SKI: variants seen among roughly 807,000 people sequenced by gnomAD.
SKI encodes SKI proto-oncogene, also known as ski oncogene.
SKI carries 23 observed loss-of-function variants against 59.3 expected under a neutral mutation model. The observed-to-expected ratio is 0.39, with a 90% confidence interval of 0.28 to 0.55. The LOEUF (loss-of-function observed/expected upper bound fraction) is 0.55. Ranked by LOEUF, SKI falls within the 20% of genes least tolerant of loss-of-function variation. SKI has a pLI of 0.67. For missense variants in SKI, 1,017 were observed against 1,038.9 expected (o/e 0.98, Z 0.29); for synonymous variants, 673 against 488.6 (o/e 1.38, Z -4.98).
intron 1 of SKI, among the ~76,000 whole-genome samples, chr1:2,300,743 G>A (rs577358899): frequency 2.6e-5 from 4 of 152,336 alleles, no homozygotes; most frequent in African/African-American, 7.2e-5. Flanking sequence ...GGGTCTTAAC[G>A]GAGTCATGTC....
At chr1:2,295,416 C>A (rs1484825073) in intron 1 of SKI, among the ~76,000 whole-genome samples, 3 of 152,244 alleles carry the variant, frequency 2.0e-5, no homozygotes, top group African/African-American at 7.2e-5. Flanking sequence ...AATTTGCGTA[C>A]CATAAAATTC....
At chr1:2,231,315 A>T (rs979987934) in intron 1 of SKI, among the ~76,000 whole-genome samples, 2 of 152,070 alleles carry the variant, frequency 1.3e-5, no homozygotes, top group Non-Finnish European at 2.9e-5. Context: ...CACTGTCTTC[A>T]GAGCTGATGG....
At chr1:2,262,091 G>C in intron 1 of SKI, among the ~76,000 whole-genome samples, 1 of 125,504 alleles carries the variant, frequency 8.0e-6, no homozygotes. Context: ...GGTGGGAGTG[G>C]ACACCCTCGC....
At chr1:2,250,067 G>A (rs1409759549) in intron 1 of SKI, among the ~76,000 whole-genome samples, 6 of 152,092 alleles carry the variant, frequency 3.9e-5, no homozygotes, top group East Asian at 1.9e-4. Flanking sequence ...CACCACGCCC[G>A]GCTAATATTT....
Position 2,301,688 on chromosome 1 carries a change from A to G in SKI, c.970-1290A>G, listed in dbSNP as rs144360279. On this transcript the variant is annotated intron_variant, in intron 1 of 6. Coordinates refer to ENST00000378536, the MANE Select transcript of SKI (RefSeq NM_003036.4). The stretch of plus-strand genomic sequence containing the variant: ...GGTTCCTGATGCAGCGTCTTCTCCT[A>G]GAGTCCTGGAGGTGGGAAGAGCCCC... Among the ~76,000 whole-genome samples, 12 of 151,302 alleles carry G rather than the reference A, an allele frequency of 7.9e-5. No individual in the cohort carries two copies. The East Asian group carries it at 2.4e-3, about 30-fold the overall frequency.
rs532843555 is a variant in SKI at position 2,259,896 on chromosome 1, G to A, written c.969+30161G>A. 2.6e-5 allele frequency among the ~76,000 whole-genome samples: 4 copies of A among 152,348 alleles called. No homozygotes were observed. In the East Asian group the frequency reaches 7.7e-4, roughly 29 times the overall value. ...CAGTGTTCCCCTGCGTGGATGTCGC[G>A]TTTGTTCCTCCATTTGCCCGTTGGA... On this transcript the variant is annotated intron_variant, in intron 1 of 6. Transcript: ENST00000378536.
At chr1:2,263,605 C>T (rs1402189229) in intron 1 of SKI, among the ~76,000 whole-genome samples, 5 of 151,606 alleles carry the variant, frequency 3.3e-5, no homozygotes, top group Non-Finnish European at 7.4e-5. Flanking sequence ...TCCCGTGTAT[C>T]TTTGTCTGGT....
intron 5 of SKI, among the ~76,000 whole-genome samples, chr1:2,305,053 C>T (rs979003557): frequency 6.6e-6 from 1 of 152,234 alleles, no homozygotes; most frequent in African/African-American, 2.4e-5. Flanking sequence ...GCGTGAGGGG[C>T]GTGCTTACTA....
In SKI at chr1:2,269,670, C is replaced by A. The variant is rs968410865; in HGVS notation, c.970-33308C>A. On this transcript the variant is annotated intron_variant, in intron 1 of 6. Transcript: ENST00000378536. The surrounding 1 kb of genome is among the most constrained non-coding windows in gnomAD (Gnocchi z 4.7). ...CTCCTCCTTCCTTCCTTGTTGGTTG[C>A]TGTTAAGCCAGCCTTGGGCACCAGG... Among the ~76,000 whole-genome samples the A allele has an allele frequency of 6.6e-6, 1 of 152,268 alleles. No homozygotes were observed. The highest frequency in any genetic ancestry group is 1.5e-5 in the Non-Finnish European group (1 of 68,050).
chr1:2,264,127 G>T (rs1455629410), intron 1 of SKI, among the ~76,000 whole-genome samples: 2 of 152,038 alleles, frequency 1.3e-5, no homozygotes, highest in Non-Finnish European at 2.9e-5. Flanking sequence ...TCTTGGTTGA[G>T]AGTTACTGGT....
In SKI at chr1:2,303,644, C is replaced by A; in HGVS notation, c.1212-196C>A. The A allele has an allele frequency of 1.3e-6, 1 of 772,622 alleles. No homozygotes were observed. The highest frequency in any genetic ancestry group is 2.1e-6 in the Non-Finnish European group (1 of 480,692). 47.9% of individuals were successfully genotyped at this position (772,622 alleles called of 1,614,324 possible). On this transcript the variant is annotated intron_variant, in intron 3 of 6. Transcript: ENST00000378536. The surrounding 1 kb of genome is among the most constrained non-coding windows in gnomAD (Gnocchi z 5.6). The stretch of plus-strand genomic sequence containing the variant: ...GGGCGCAGCTTCTTGATGTGTTGGC[C>A]TGTGTCTGGCCTTCGCAAGAGACCC...
At position 2,303,704 on chromosome 1, in the gene SKI, C is replaced by G; in HGVS notation, c.1212-136C>G. The G allele has an allele frequency of 1.6e-6, 2 of 1,248,618 alleles. No homozygotes were observed. Among genetic ancestry groups the G allele is most frequent in the South Asian group, 1.3e-5 (1 of 75,882 alleles). 77.3% of individuals were successfully genotyped at this position (1,248,618 alleles called of 1,614,324 possible). On this transcript the variant is annotated intron_variant, in intron 3 of 6. Coordinates refer to ENST00000378536, the MANE Select transcript of SKI (RefSeq NM_003036.4). This position sits in a 1 kb window ranked among gnomAD's most constrained non-coding sequence, Gnocchi z 5.6. ...AAAACGCTTACGGGTTCTTAGGGAA[C>G]TGTAAGCTTGACTTGAAGATTCGGA...
intron 1 of SKI, among the ~76,000 whole-genome samples, chr1:2,286,270 G>A (rs1640038543): frequency 2.0e-5 from 3 of 152,180 alleles, no homozygotes; most frequent in Admixed American, 2.0e-4. Context: ...GGAAGGACAA[G>A]GTGGGCAGAT....
Position 2,229,402 on chromosome 1 carries a change from G to T in SKI, c.636G>T (p.Glu212Asp). The change falls in exon 1 of 7, where the codon GAG becomes GAT. Residue 212 changes from glutamate (E) to aspartate (D), a missense_variant. By Grantham distance (45) the Glu-to-Asp change is conservative (BLOSUM62 2). Transcript: ENST00000378536. The surrounding 1 kb of genome is among the most constrained non-coding windows in gnomAD (Gnocchi z 6.3). Reference protein sequence around the residue: ...ELAASLALGLELSERSVRVYH... With the variant: ...ELAASLALGLDLSERSVRVYH... ...CCGCCAGCCTGGCGCTGGGCCTGGAGCTCAGCGAGCGCAGCGTCCGCGTGT... is the reference window on the plus strand; with the variant it reads ...CCGCCAGCCTGGCGCTGGGCCTGGATCTCAGCGAGCGCAGCGTCCGCGTGT... The T allele has an allele frequency of 6.2e-7, 1 of 1,608,982 alleles. No homozygotes were observed. The highest frequency in any genetic ancestry group is 1.1e-5 in the South Asian group (1 of 90,642).
chr1:2,234,499 G>A (rs942564181), intron 1 of SKI, among the ~76,000 whole-genome samples: 3 of 152,162 alleles, frequency 2.0e-5, no homozygotes, highest in South Asian at 2.1e-4. Context: ...GATATGGTGC[G>A]AGGAAGTCTG....
intron 5 of SKI, among the ~76,000 whole-genome samples, 199 bp downstream of exon 5, chr1:2,304,784 CAG>C (rs1477419185): frequency 1.3e-5 from 2 of 152,234 alleles, no homozygotes; most frequent in Non-Finnish European, 2.9e-5. Context: ...GTGAGCCCCT[CAG>C]TGTCCCCAGG....
In SKI at chr1:2,306,795, A is replaced by G; in HGVS notation, c.*30A>G. 1 of 1,463,720 alleles carries G rather than the reference A, an allele frequency of 6.8e-7. No individual in the cohort carries two copies. Among genetic ancestry groups the G allele is most frequent in the Non-Finnish European group, 9.0e-7 (1 of 1,109,838 alleles). 90.7% of individuals were successfully genotyped at this position (1,463,720 alleles called of 1,614,324 possible). On this transcript the variant is annotated 3_prime_UTR_variant, in exon 7 of 7. Transcript: ENST00000378536. ...CGTGCCTGCCGCCGCAGCGCCGCCGACAACGCGGGTGCAGGGGGGCGCGGC... is the reference window on the plus strand; with the variant it reads ...CGTGCCTGCCGCCGCAGCGCCGCCGGCAACGCGGGTGCAGGGGGGCGCGGC...
At chr1:2,286,696 T>C (rs1350380278) in intron 1 of SKI, among the ~76,000 whole-genome samples, 1 of 152,234 alleles carries the variant, frequency 6.6e-6, no homozygotes, top group Non-Finnish European at 1.5e-5. Flanking sequence ...CAGCTCTCGC[T>C]CTGAGTGAGG....
chr1:2,233,584 C>T (rs952525458), intron 1 of SKI, among the ~76,000 whole-genome samples: 6 of 151,998 alleles, frequency 3.9e-5, no homozygotes, highest in Admixed American at 1.3e-4. Context: ...GGAGGGTCCG[C>T]GACGGGGGTT....
Sources: gnomAD v4.1 joint callset for allele counts (sites outside exome capture counted in the v4.1 genomes callset) on GRCh38, gnomAD v4.1.1 for gene constraint, Gnocchi (gnomAD v3.1) non-coding constraint, MANE v1.5 for transcripts, NCBI Gene and HGNC (gene_info 2026-07-23, HGNC 2026-07-21) for gene names.